Variants in DLC1 observed in about 807,000 individuals in gnomAD.
The protein encoded by DLC1 is DLC1 Rho GTPase activating protein.
A neutral mutation model predicts 140.3 loss-of-function variants in DLC1; 54 were observed. The ratio of observed to expected loss-of-function variants is 0.38; its 90% CI spans 0.31 to 0.48. The LOEUF is 0.48. Ranked by LOEUF, DLC1 falls within the 20% of genes least tolerant of loss-of-function variation. DLC1 has a pLI of 0.96. For synonymous variants in DLC1, 986 were observed against 728.1 expected, an observed-to-expected ratio of 1.35 and a Z score of -5.70; for missense variants, 2,536 against 1,907.0, an observed-to-expected ratio of 1.33 and a Z score of -6.14.
At chr8:13,496,325 A>G (rs762689795) in intron 2 of DLC1, among the ~76,000 whole-genome samples, 2 of 152,210 alleles carry the variant, frequency 1.3e-5, no homozygotes, top group Non-Finnish European at 2.9e-5. Flanking sequence ...TGTGCCATGC[A>G]GAAAATGCCT....
intron 5 of DLC1, among the ~76,000 whole-genome samples, chr8:13,171,397 TTTAG>T (rs777161660): frequency 9.2e-5 from 14 of 152,120 alleles, no homozygotes; most frequent in Non-Finnish European, 1.9e-4. Context: ...CTTTTACTTA[TTTAG>T]TGACAGGGTC....
chr8:13,192,858 G>C (rs1023624660), intron 5 of DLC1, among the ~76,000 whole-genome samples: 2 of 152,188 alleles, frequency 1.3e-5, no homozygotes, highest in Non-Finnish European at 2.9e-5. Flanking sequence ...GGCCTCGGAG[G>C]AATCCGACAC....
At chr8:13,579,517 ATATAT>A (rs1432754536) in intron 1 of DLC1, among the ~76,000 whole-genome samples, 1 of 76,716 alleles carries the variant, frequency 1.3e-5, no homozygotes. Context: ...TATATATTTA[ATATAT>A]TATATTTTAT....
At chr8:13,434,142 A>C (rs1291797922) in intron 2 of DLC1, among the ~76,000 whole-genome samples, 2 of 151,992 alleles carry the variant, frequency 1.3e-5, no homozygotes, top group African/African-American at 4.8e-5. Context: ...CTCCCAAAGT[A>C]CTGGGATTAC....
intron 4 of DLC1, among the ~76,000 whole-genome samples, chr8:13,361,354 A>C (rs1451845218): frequency 1.3e-5 from 2 of 152,070 alleles, no homozygotes; most frequent in African/African-American, 4.8e-5. Context: ...TCCTGGGCTC[A>C]AGCAATCCTC....
chr8:13,155,628 G>A (rs1255514560), intron 5 of DLC1, among the ~76,000 whole-genome samples: 1 of 151,908 alleles, frequency 6.6e-6, no homozygotes, highest in Non-Finnish European at 1.5e-5. Flanking sequence ...AAGTAATATT[G>A]TTTGCTATAT....
rs139800141 is a variant in DLC1 at position 13,371,025 on chromosome 8, T to C, written c.1314+22528A>G. 1.4e-4 allele frequency among the ~76,000 whole-genome samples: 22 copies of C among 152,270 alleles called. No individual in the cohort carries two copies. The East Asian group carries it at 3.7e-3, about 25-fold the overall frequency. On this transcript the variant is annotated intron_variant, in intron 4 of 17. Transcript: ENST00000276297. ...GCCACACCATACGAACTAAGTATTA[T>C]TGGGGGAAATCCTCAAATGGAAATT...
Position 13,314,299 on chromosome 8 carries a change from GTA to G in DLC1, c.1315-8999_1315-8998del, listed in dbSNP as rs1230026038. ...TTCACATTTAATCAGAATATAATAT[GTA>G]TATATATAATATACATATATATTAT... On this transcript the variant is annotated intron_variant, in intron 4 of 17. Coordinates refer to ENST00000276297, the MANE Select transcript of DLC1 (RefSeq NM_182643.3). 1.3e-4 allele frequency among the ~76,000 whole-genome samples: 19 copies of G among 147,176 alleles called. No individual in the cohort carries two copies. The East Asian group carries it at 3.3e-3, about 26-fold the overall frequency.
intron 5 of DLC1, among the ~76,000 whole-genome samples, chr8:13,145,520 C>A (rs1288902611): frequency 6.6e-6 from 1 of 152,138 alleles, no homozygotes; most frequent in Middle Eastern, 3.2e-3. Context: ...AGCAATTCTA[C>A]TCTAAGGGAT....
chr8:13,211,343 T>A (rs558348485), intron 5 of DLC1, among the ~76,000 whole-genome samples: 1 of 152,114 alleles, frequency 6.6e-6, no homozygotes, highest in African/African-American at 2.4e-5. Context: ...TGGAGCACCG[T>A]TTTGCTGTAC....
At chr8:13,091,545 G>A in intron 13 of DLC1, 113 bp from the exon 14 acceptor site, 1 of 863,964 alleles carries the variant, frequency 1.2e-6, no homozygotes, top group Non-Finnish European at 1.7e-6. Flanking sequence ...ACTGGAATCT[G>A]TTTATTGTTA....
intron 4 of DLC1, among the ~76,000 whole-genome samples, chr8:13,326,469 G>A (rs1332306430): frequency 6.6e-6 from 1 of 152,154 alleles, no homozygotes; most frequent in Admixed American, 6.5e-5. Context: ...TGTGCATATA[G>A]TCTTGCCACT....
chr8:13,213,590 C>A (rs1828050390), intron 5 of DLC1, among the ~76,000 whole-genome samples: 1 of 152,168 alleles, frequency 6.6e-6, no homozygotes, highest in Non-Finnish European at 1.5e-5. Context: ...GAGAGGCTTT[C>A]ATTTCCGGCG....
intron 5 of DLC1, among the ~76,000 whole-genome samples, chr8:13,269,679 G>A (rs554561922): frequency 1.8e-4 from 22 of 121,570 alleles, no homozygotes; most frequent in Non-Finnish European, 2.8e-4. Context: ...ACTCCAACCT[G>A]GGAAACAAAG....
At chr8:13,518,144 G>A (rs185198400), upstream of DLC1, among the ~76,000 whole-genome samples, 28 of 151,440 alleles carry the variant, frequency 1.8e-4, no homozygotes, top group South Asian at 4.1e-4. Context: ...GTCTGGCTCT[G>A]TTGCCCAGGC....
At chr8:13,427,576 C>T (rs1838651081) in intron 2 of DLC1, among the ~76,000 whole-genome samples, 1 of 152,306 alleles carries the variant, frequency 6.6e-6, no homozygotes, top group African/African-American at 2.4e-5. Flanking sequence ...CCTCTTCCTC[C>T]TCTACCTCGA....
At chr8:13,334,791 T>C (rs539050044) in intron 4 of DLC1, among the ~76,000 whole-genome samples, 2 of 152,336 alleles carry the variant, frequency 1.3e-5, no homozygotes, top group East Asian at 3.9e-4. Context: ...AAAAATGAGA[T>C]GCTTGTTAGA....
intron 5 of DLC1, among the ~76,000 whole-genome samples, chr8:13,183,866 A>G (rs1826186886): frequency 6.6e-6 from 1 of 152,062 alleles, no homozygotes. Context: ...TTTTCTATCG[A>G]TTGGAATAGT....
chr8:13,285,799 A>T lies in DLC1; in HGVS notation c.1348+19470T>A, dbSNP rs74904275. Among the ~76,000 whole-genome samples, 152 of 152,264 alleles carry T rather than the reference A, an allele frequency of 1.0e-3. 1 individual carries two copies. The East Asian group carries it at 0.027, about 27-fold the overall frequency. On this transcript the variant is annotated intron_variant, in intron 5 of 17. Coordinates refer to ENST00000276297, the MANE Select transcript of DLC1 (RefSeq NM_182643.3). ...GAATTCCACTCCTAGGAATTACTAA[A>T]GATATATAAAAATATATCTTTGTAC... is the stretch of plus-strand genomic sequence containing the variant.
Sources: gnomAD v4.1 joint callset for allele counts (sites outside exome capture counted in the v4.1 genomes callset) on GRCh38, gnomAD v4.1.1 for gene constraint, MANE v1.5 for transcripts, NCBI Gene and HGNC (gene_info 2026-07-23, HGNC 2026-07-21) for gene names.